Variants in FOXN3 observed in about 807,000 individuals in gnomAD.
FOXN3 encodes the protein forkhead box N3.
A neutral mutation model predicts 38.4 loss-of-function variants in FOXN3; 7 were observed. The ratio of observed to expected loss-of-function variants is 0.18; its 90% confidence interval spans 0.10 to 0.34. The LOEUF is 0.34. Among genes scored for constraint, FOXN3 ranks in the 10% least tolerant of loss-of-function variants. The pLI, the probability that FOXN3 is intolerant of heterozygous loss-of-function variation, is 1.00. For synonymous variants in FOXN3, 230 were observed against 242.2 expected (o/e 0.95, Z 0.47); for missense variants, 456 against 613.4 (o/e 0.74, Z 2.71).
chr14:89,507,013 AG>A (rs1399870938), intron 1 of FOXN3, among the ~76,000 whole-genome samples: 1 of 152,012 alleles, frequency 6.6e-6, no homozygotes, highest in Non-Finnish European at 1.5e-5. Context: ...TCCTCTGCCT[AG>A]GAAAACCAGA....
chr14:89,181,382 A>G (rs529203189), intron 4 of FOXN3, among the ~76,000 whole-genome samples: 1 of 152,332 alleles, frequency 6.6e-6, no homozygotes, highest in South Asian at 2.1e-4. Flanking sequence ...AGAAGCTCAG[A>G]ACATCTTTCC....
chr14:89,464,399 G>A (rs896000546), intron 1 of FOXN3, among the ~76,000 whole-genome samples: 3 of 152,138 alleles, frequency 2.0e-5, no homozygotes, highest in African/African-American at 7.2e-5. Flanking sequence ...CAATCCTGGT[G>A]TCATAGACAC....
At chr14:89,444,195 A>G (rs1278203881) in intron 1 of FOXN3, among the ~76,000 whole-genome samples, 1 of 152,044 alleles carries the variant, frequency 6.6e-6, no homozygotes, top group South Asian at 2.1e-4. Flanking sequence ...ATCATACTAT[A>G]TAACATGAAT....
intron 4 of FOXN3, among the ~76,000 whole-genome samples, chr14:89,202,985 T>A (rs1464387067): frequency 6.7e-6 from 1 of 149,878 alleles, no homozygotes; most frequent in Non-Finnish European, 1.5e-5. Context: ...TCTGGGGCAA[T>A]GGTTATCTTC....
intron 1 of FOXN3, among the ~76,000 whole-genome samples, chr14:89,460,553 G>C (rs1275290885): frequency 2.0e-5 from 3 of 152,102 alleles, no homozygotes; most frequent in Non-Finnish European, 4.4e-5. Flanking sequence ...CTGCATCCAG[G>C]AGTCACTCCC....
chr14:89,180,228 T>A (rs1013234500), intron 5 of FOXN3, among the ~76,000 whole-genome samples: 2 of 152,190 alleles, frequency 1.3e-5, no homozygotes, highest in Non-Finnish European at 2.9e-5. Flanking sequence ...CTGCTATTTA[T>A]AGACCACGTA....
At chr14:89,280,701 C>T (rs561776383) in intron 4 of FOXN3, among the ~76,000 whole-genome samples, 162 of 152,170 alleles carry the variant, frequency 1.1e-3, no homozygotes, top group African/African-American at 1.6e-3. Context: ...TGAACAGTGA[C>T]GGCGGGCCAA....
At chr14:89,448,602 G>A (rs1892556249) in intron 1 of FOXN3, among the ~76,000 whole-genome samples, 1 of 152,094 alleles carries the variant, frequency 6.6e-6, no homozygotes, top group Admixed American at 6.6e-5. Context: ...CAATGACCCT[G>A]TCTGACAGGG....
rs1035982358 is a variant in FOXN3 at position 89,161,411 on chromosome 14, AAT to A, written c.*1001_*1002del. 1.3e-5 allele frequency: 2 copies of A among 150,460 alleles called. No individual in the cohort carries two copies. Among genetic ancestry groups the A allele is most frequent in the African/African-American group, 4.9e-5 (2 of 40,874 alleles). 9.3% of individuals were successfully genotyped at this position (150,460 alleles called of 1,614,324 possible). A position where few individuals can be genotyped will look rare whatever the true frequency, so the allele number is the denominator to read the frequency against. On this transcript the variant is annotated 3_prime_UTR_variant, in exon 6 of 6. Coordinates refer to ENST00000557258, the MANE Select transcript of FOXN3 (RefSeq NM_005197.4). The stretch of plus-strand genomic sequence containing the variant: ...TTTTTTTTTTTTTTCACTTGGATCA[AAT>A]AGTTTTGATAGACAGAAAAAGATCT...
chr14:89,369,525 GGACATACCCAA>G, intron 2 of FOXN3, among the ~76,000 whole-genome samples: 1 of 149,858 alleles, frequency 6.7e-6, no homozygotes, highest in Non-Finnish European at 1.5e-5. Context: ...CTGCTGACAA[GGACATACCCAA>G]GACTGGGTAA....
intron 4 of FOXN3, among the ~76,000 whole-genome samples, chr14:89,278,163 G>A (rs370527818): frequency 2.6e-5 from 4 of 152,110 alleles, no homozygotes; most frequent in Non-Finnish European, 4.4e-5. Flanking sequence ...ACAGTTCCAC[G>A]TGGCTGGAGA....
chr14:89,290,645 C>T, intron 3 of FOXN3: 1 of 473,442 alleles, frequency 2.1e-6, no homozygotes, highest in Non-Finnish European at 4.1e-6. Flanking sequence ...CCAACTTGAA[C>T]ACGGGTGCAT....
At chr14:89,251,849 T>C (rs1317408895) in intron 4 of FOXN3, among the ~76,000 whole-genome samples, 1 of 152,216 alleles carries the variant, frequency 6.6e-6, no homozygotes, top group Admixed American at 6.5e-5. Context: ...TGTCTTTACA[T>C]GTGGTCCCTG....
chr14:89,612,221 T>A (rs1406377978), intron 1 of FOXN3, among the ~76,000 whole-genome samples: 1 of 152,100 alleles, frequency 6.6e-6, no homozygotes, highest in East Asian at 1.9e-4. Flanking sequence ...GCAGTATTAT[T>A]AAGCTAATAT....
intron 3 of FOXN3, among the ~76,000 whole-genome samples, chr14:89,302,053 G>C (rs949112543): frequency 6.6e-6 from 1 of 152,112 alleles, no homozygotes; most frequent in African/African-American, 2.4e-5. Flanking sequence ...GTGTAGCTCA[G>C]GAAAACCCAA....
chr14:89,236,067 C>T (rs937971632), intron 4 of FOXN3, among the ~76,000 whole-genome samples: 4 of 152,218 alleles, frequency 2.6e-5, no homozygotes, highest in African/African-American at 7.2e-5. Context: ...CCAAGTCAAG[C>T]AAGCTTTGCT....
intron 1 of FOXN3, among the ~76,000 whole-genome samples, chr14:89,506,023 T>TG (rs1465957727): frequency 7.2e-6 from 1 of 138,140 alleles, no homozygotes; most frequent in Non-Finnish European, 1.6e-5. Flanking sequence ...GGGAGGGAGG[T>TG]GGGGGTCAGC....
At position 89,247,516 on chromosome 14, in the gene FOXN3, G is replaced by A. The variant is rs537083871; in HGVS notation, c.745+33434C>T. Among the ~76,000 whole-genome samples, 3 of 152,290 alleles carry A rather than the reference G, an allele frequency of 2.0e-5. No individual in the cohort carries two copies. In the South Asian group the frequency reaches 6.2e-4, roughly 32 times the overall value. On this transcript the variant is annotated intron_variant, in intron 4 of 5. Transcript: ENST00000557258. ...GGCCAGAATTATGATAAGGGGACAG[G>A]AAAGGATGTCTAGTGCAAGGTCTTG...
In FOXN3 at chr14:89,519,341, C is replaced by T. The variant is rs142719805; in HGVS notation, c.-15+99687G>A. ...GGCAAGAGGTTTCTCTTCACACTGC[C>T]TCCCTCACCTTCAGGGAGGTTGGAA... On this transcript the variant is annotated intron_variant, in intron 1 of 6. Transcript: ENST00000345097. Among the ~76,000 whole-genome samples the T allele has an allele frequency of 1.4e-4, 21 of 152,262 alleles. No homozygotes were observed. The East Asian group carries it at 4.1e-3, about 29-fold the overall frequency.
Sources: allele counts gnomAD v4.1 joint callset (sites outside exome capture counted in the v4.1 genomes callset), GRCh38; gene constraint gnomAD v4.1.1; transcripts MANE v1.5; gene names NCBI Gene and HGNC (gene_info 2026-07-23, HGNC 2026-07-21).